MIPOL1: variants seen among roughly 807,000 people sequenced by gnomAD.
MIPOL1 encodes the protein mirror-image polydactyly gene 1 protein.
A neutral mutation model predicts 60.9 loss-of-function variants in MIPOL1; 57 were observed. The ratio of observed to expected loss-of-function variants is 0.94; its 90% CI spans 0.76 to 1.17. MIPOL1 has a LOEUF of 1.17. Ranked by LOEUF, MIPOL1 falls within the 50% of genes most tolerant of loss-of-function variation. MIPOL1 has a pLI of 0.00. For missense variants in MIPOL1, 551 were observed against 511.6 expected, an observed-to-expected ratio of 1.08 and a Z score of -0.74; for synonymous variants, 179 against 168.8, an observed-to-expected ratio of 1.06 and a Z score of -0.47.
chr14:37,509,014 T>C (rs2095304577), intron 12 of MIPOL1, among the ~76,000 whole-genome samples: 1 of 152,126 alleles, frequency 6.6e-6, no homozygotes, highest in Non-Finnish European at 1.5e-5. Context: ...CTACTCCATT[T>C]CTTTCGGGGA....
intron 9 of MIPOL1, among the ~76,000 whole-genome samples, chr14:37,324,100 A>G (rs1385993196): frequency 2.6e-5 from 4 of 152,004 alleles, no homozygotes; most frequent in Non-Finnish European, 4.4e-5. Context: ...TTGCTGGATT[A>G]TAAGATAGGG....
chr14:37,338,209 C>A (rs1316505571), intron 9 of MIPOL1, among the ~76,000 whole-genome samples: 1 of 151,156 alleles, frequency 6.6e-6, no homozygotes, highest in Non-Finnish European at 1.5e-5. Flanking sequence ...TGGGTCCACG[C>A]CATTCTCCTG....
intron 12 of MIPOL1, among the ~76,000 whole-genome samples, chr14:37,517,322 A>G (rs1594834600): frequency 1.3e-5 from 2 of 152,338 alleles, no homozygotes; most frequent in East Asian, 3.9e-4. Context: ...GGAAACAGAA[A>G]GGGAGAAAAA....
rs1044987454 is a variant in MIPOL1 at position 37,263,537 on chromosome 14, C to T, written c.20-3401C>T. Reference sequence around the variant, plus strand: ...GGAATTATATTTGGTTTGAAGTGGTCGAATTCTTATGTCTAAATAAAACAG... The same window carrying T: ...GGAATTATATTTGGTTTGAAGTGGTTGAATTCTTATGTCTAAATAAAACAG... On this transcript the variant is annotated intron_variant, in intron 3 of 12. Coordinates refer to ENST00000684589, the MANE Select transcript of MIPOL1 (RefSeq NM_001388067.1). Among the ~76,000 whole-genome samples the T allele has an allele frequency of 7.2e-5, 11 of 152,162 alleles. No homozygotes were observed. In the East Asian group the frequency reaches 1.5e-3, roughly 21 times the overall value.
chr14:37,211,193 C>T (rs183245085), intron 1 of MIPOL1, among the ~76,000 whole-genome samples: 1 of 140,534 alleles, frequency 7.1e-6, no homozygotes, highest in East Asian at 2.4e-4. Flanking sequence ...CCCACCCCCC[C>T]ACCCCCCAGA....
intron 12 of MIPOL1, among the ~76,000 whole-genome samples, chr14:37,522,758 T>G (rs2095422595): frequency 6.6e-6 from 1 of 152,280 alleles, no homozygotes; most frequent in African/African-American, 2.4e-5. Flanking sequence ...TAGTATAAAT[T>G]GTTTGTACTA....
rs2153434097 is a variant in MIPOL1 at position 37,308,378 on chromosome 14, C to T, written c.687C>T (p.Asn229=). Residue 229 remains asparagine (N), a synonymous_variant, in exon 9 of 13, where the codon AAC becomes AAT. Transcript: ENST00000684589. ...TACAGGAATTACTGAACAGAATAAA[C>T]AATGCAGACACAGGGATAGCTATTC... The part of the protein sequence containing the change: ...MTLQELLNRI[N]NADTGIAIQK... 1.3e-6 allele frequency: 2 copies of T among 1,584,774 alleles called. No homozygotes were observed. Among genetic ancestry groups the T allele is most frequent in the Non-Finnish European group, 1.7e-6 (2 of 1,168,912 alleles).
At chr14:37,316,632 T>C (rs563153221) in intron 9 of MIPOL1, among the ~76,000 whole-genome samples, 3 of 150,834 alleles carry the variant, frequency 2.0e-5, no homozygotes, top group African/African-American at 7.3e-5. Context: ...TGGGATGTTC[T>C]AGCACATGTG....
At chr14:37,274,344 C>G (rs1258211759) in intron 6 of MIPOL1, among the ~76,000 whole-genome samples, 1 of 151,400 alleles carries the variant, frequency 6.6e-6, no homozygotes, top group African/African-American at 2.4e-5. Context: ...TGTCCCCTAT[C>G]ATGTTAAAAT....
intron 3 of MIPOL1, among the ~76,000 whole-genome samples, chr14:37,262,853 A>G (rs1426445040): frequency 6.6e-6 from 1 of 152,110 alleles, no homozygotes; most frequent in Non-Finnish European, 1.5e-5. Context: ...TGTAAACAGT[A>G]TTGACCCCCC....
chr14:37,369,760 A>G (rs190221878), intron 10 of MIPOL1, 136 bp downstream of exon 10: 32 of 526,056 alleles, frequency 6.1e-5, no homozygotes, highest in African/African-American at 5.9e-4. Flanking sequence ...TTCTTTAAAC[A>G]CAGATACAGC....
At chr14:37,280,415 T>C (rs1178978697) in intron 6 of MIPOL1, among the ~76,000 whole-genome samples, 1 of 152,212 alleles carries the variant, frequency 6.6e-6, no homozygotes, top group Non-Finnish European at 1.5e-5. Context: ...AAAATGGCTG[T>C]AGTAATTTAC....
intron 6 of MIPOL1, among the ~76,000 whole-genome samples, chr14:37,273,224 A>G (rs2083422698): frequency 1.3e-5 from 2 of 151,108 alleles, no homozygotes; most frequent in Non-Finnish European, 3.0e-5. Context: ...AAAAATATAC[A>G]TACATGTATA....
chr14:37,523,661 A>G, intron 12 of MIPOL1: 1 of 353,996 alleles, frequency 2.8e-6, no homozygotes, highest in Non-Finnish European at 5.2e-6. Flanking sequence ...TTTTAAAAAC[A>G]TCTTCTGTGT....
At chr14:37,521,596 G>T (rs529231680) in intron 12 of MIPOL1, among the ~76,000 whole-genome samples, 191 of 151,908 alleles carry the variant, frequency 1.3e-3, no homozygotes, top group African/African-American at 4.5e-3. Context: ...AACTACCAAA[G>T]AAAAAAATTA....
intron 3 of MIPOL1, among the ~76,000 whole-genome samples, chr14:37,264,279 G>C (rs1320582019): frequency 6.6e-6 from 1 of 151,892 alleles, no homozygotes; most frequent in Non-Finnish European, 1.5e-5. Context: ...AATTTGTCTT[G>C]AAAAGTCAAA....
chr14:37,347,389 C>T (rs1042986736), intron 9 of MIPOL1, among the ~76,000 whole-genome samples: 18 of 151,996 alleles, frequency 1.2e-4, no homozygotes, highest in African/African-American at 2.9e-4. Context: ...AGAGTAGATA[C>T]GGCTGAAGAT....
chr14:37,232,079 C>T (rs1970720265), intron 1 of MIPOL1, among the ~76,000 whole-genome samples: 1 of 151,768 alleles, frequency 6.6e-6, no homozygotes, highest in South Asian at 2.1e-4. Flanking sequence ...CAAACACTGT[C>T]TCTAAAAAAA....
At chr14:37,542,998 C>T (rs1478560145) in intron 12 of MIPOL1, among the ~76,000 whole-genome samples, 2 of 152,100 alleles carry the variant, frequency 1.3e-5, no homozygotes, top group African/African-American at 4.8e-5. Flanking sequence ...ACATATTCCC[C>T]CCACACACAT....
Sources: gnomAD v4.1 joint callset for allele counts (sites outside exome capture counted in the v4.1 genomes callset) on GRCh38, gnomAD v4.1.1 for gene constraint, MANE v1.5 for transcripts, NCBI Gene and HGNC (gene_info 2026-07-23, HGNC 2026-07-21) for gene names.